The following ADAM28 variants were observed in gnomAD, a reference collection of about 807,000 sequenced individuals.
ADAM28 encodes the protein ADAM metallopeptidase domain 28, also known as disintegrin and metalloproteinase domain-containing protein 28.
A neutral mutation model predicts 101.2 loss-of-function variants in ADAM28; 105 were observed. The observed-to-expected ratio is 1.04, with a 90% CI of 0.89 to 1.22. ADAM28 has a LOEUF of 1.22. ADAM28 is among the 50% of genes most tolerant of loss of function. The pLI is 0.00. For missense variants in ADAM28, 1,028 were observed against 945.4 expected, an observed-to-expected ratio of 1.09 and a Z score of -1.15; for synonymous variants, 322 against 310.6, an observed-to-expected ratio of 1.04 and a Z score of -0.39.
intron 2 of ADAM28, among the ~76,000 whole-genome samples, chr8:24,302,959 C>G (rs1347417909): frequency 7.1e-6 from 1 of 139,984 alleles, no homozygotes; most frequent in African/African-American, 2.6e-5. Context: ...GTGATGTTCC[C>G]CATCCTGTGT....
chr8:24,304,877 T>C (rs1252000404), intron 2 of ADAM28, among the ~76,000 whole-genome samples: 1 of 150,678 alleles, frequency 6.6e-6, no homozygotes, highest in Non-Finnish European at 1.5e-5. Context: ...ATCACGTCAT[T>C]TGCACTCCAA....
At chr8:24,352,541 C>G (rs1402418874) in intron 21 of ADAM28, among the ~76,000 whole-genome samples, 1 of 152,096 alleles carries the variant, frequency 6.6e-6, no homozygotes, top group Non-Finnish European at 1.5e-5. Flanking sequence ...AGAGCTGCAC[C>G]CTCACGACCT....
chr8:24,352,333 T>C (rs1160080360), intron 21 of ADAM28, among the ~76,000 whole-genome samples: 1 of 152,196 alleles, frequency 6.6e-6, no homozygotes, highest in South Asian at 2.1e-4. Context: ...TTAACATAGA[T>C]TGAGTGGCTT....
intron 18 of ADAM28, among the ~76,000 whole-genome samples, chr8:24,346,059 G>C (rs1046519778): frequency 6.6e-6 from 1 of 152,020 alleles, no homozygotes; most frequent in African/African-American, 2.4e-5. Context: ...ACATTTCCTA[G>C]TTCAGAAGTG....
chr8:24,301,767 C>A (rs987924969), intron 2 of ADAM28, among the ~76,000 whole-genome samples: 2 of 152,140 alleles, frequency 1.3e-5, no homozygotes, highest in Non-Finnish European at 2.9e-5. Flanking sequence ...CTGAGAGCCT[C>A]TGTGGGATCA....
Position 24,356,174 on chromosome 8 carries a change from C to T in ADAM28, c.*1770C>T, listed in dbSNP as rs2129348646. The stretch of plus-strand genomic sequence containing the variant: ...AACTTTAAAAGTAGAGCTTTATCTG[C>T]CCTGTGAGGTTTCAGAAGACCCTCC... On this transcript the variant is annotated 3_prime_UTR_variant, in exon 23 of 23. Coordinates refer to ENST00000265769, the MANE Select transcript of ADAM28 (RefSeq NM_014265.6). 1 of 152,272 alleles carries T rather than the reference C, an allele frequency of 6.6e-6. No individual in the cohort carries two copies. Among genetic ancestry groups the T allele is most frequent in the African/African-American group, 2.4e-5 (1 of 41,560 alleles). 9.4% of individuals were successfully genotyped at this position (152,272 alleles called of 1,614,324 possible).
Position 24,313,482 on chromosome 8 carries a change from C to T in ADAM28, c.478C>T (p.Pro160Ser). Residue 160 changes from proline (P) to serine (S), a missense_variant, in exon 6 of 23, where the codon CCT becomes TCT. Transcript: ENST00000265769. ...GGAGCATGCACTCTTCAAGTATAAC[C>T]CTGATGAAAAGAATTATGACAGCAC... Reference protein sequence around the residue: ...GQEHALFKYNPDEKNYDSTCG... With the variant: ...GQEHALFKYNSDEKNYDSTCG... 6.2e-7 allele frequency: 1 copy of T among 1,613,804 alleles called. No individual in the cohort carries two copies. Among genetic ancestry groups the T allele is most frequent in the African/African-American group, 1.3e-5 (1 of 75,008 alleles).
intron 11 of ADAM28, 112 bp from the exon 12 acceptor site, chr8:24,331,038 T>G (rs1813293549): frequency 9.3e-7 from 1 of 1,077,750 alleles, no homozygotes; most frequent in African/African-American, 1.6e-5. Context: ...GTCAGTGGAT[T>G]GGATTTTGTC....
chr8:24,354,775 A>G lies in ADAM28; in HGVS notation c.*371A>G, dbSNP rs1418686336. 6.1e-6 allele frequency: 1 copy of G among 164,244 alleles called. No homozygotes were observed. The highest frequency in any genetic ancestry group is 1.3e-5 in the Non-Finnish European group (1 of 76,340). 10.2% of individuals were successfully genotyped at this position (164,244 alleles called of 1,614,324 possible). A position where few individuals can be genotyped will look rare whatever the true frequency, so the allele number is the denominator to read the frequency against. Reference sequence around the variant, plus strand: ...AAATTGTACATCCATTAAATGTACAATTGATTGCAACATCTTGATTGTTTT... The same window carrying G: ...AAATTGTACATCCATTAAATGTACAGTTGATTGCAACATCTTGATTGTTTT... On this transcript the variant is annotated 3_prime_UTR_variant, in exon 23 of 23. Coordinates refer to ENST00000265769, the MANE Select transcript of ADAM28 (RefSeq NM_014265.6).
chr8:24,343,933 T>TC (rs199742781), intron 18 of ADAM28, among the ~76,000 whole-genome samples: 1 of 151,986 alleles, frequency 6.6e-6, no homozygotes, highest in Non-Finnish European at 1.5e-5. Flanking sequence ...GACCTATTAT[T>TC]TTGTATGTTC....
chr8:24,327,427 A>G, intron 10 of ADAM28, among the ~76,000 whole-genome samples: 1 of 152,142 alleles, frequency 6.6e-6, no homozygotes, highest in Non-Finnish European at 1.5e-5. Flanking sequence ...ATGCTCATGG[A>G]TAGGAAGAAT....
chr8:24,315,863 T>A (rs1380312479), intron 6 of ADAM28, among the ~76,000 whole-genome samples: 1 of 151,938 alleles, frequency 6.6e-6, no homozygotes, highest in Non-Finnish European at 1.5e-5. Context: ...CACAAATTGA[T>A]CAATGTAGTA....
chr8:24,315,808 A>C (rs370820483), intron 6 of ADAM28, among the ~76,000 whole-genome samples: 4 of 152,140 alleles, frequency 2.6e-5, no homozygotes, highest in African/African-American at 9.6e-5. Flanking sequence ...AAGATTATAC[A>C]TCATAATCAA....
chr8:24,337,522 G>T (rs543435210), intron 14 of ADAM28, among the ~76,000 whole-genome samples: 15 of 152,274 alleles, frequency 9.9e-5, no homozygotes, highest in African/African-American at 3.6e-4. Flanking sequence ...TATTCCCAGT[G>T]CCTCCCAGCA....
intron 8 of ADAM28, 127 bp from the exon 9 acceptor site, chr8:24,323,707 A>G (rs1411017676): frequency 3.1e-6 from 3 of 960,944 alleles, no homozygotes; most frequent in Non-Finnish European, 4.5e-6. Context: ...CTGTTTCACA[A>G]ATATGCTTGG....
intron 6 of ADAM28, among the ~76,000 whole-genome samples, chr8:24,317,024 G>C (rs904198483): frequency 3.3e-5 from 5 of 151,768 alleles, no homozygotes; most frequent in Admixed American, 6.6e-5. Context: ...GTATACCGAA[G>C]ACAATAAAAC....
chr8:24,343,482 G>A (rs771892801), intron 17 of ADAM28, 24 bp from the exon 18 acceptor site: 2 of 1,611,680 alleles, frequency 1.2e-6, no homozygotes, highest in South Asian at 2.2e-5. Flanking sequence ...AGCGGGGACA[G>A]TAACAGGATC....
At chr8:24,339,324 T>C (rs912260719) in intron 14 of ADAM28, 142 bp from the exon 15 acceptor site, 1 of 644,670 alleles carries the variant, frequency 1.6e-6, no homozygotes, top group South Asian at 2.0e-5. Flanking sequence ...AATGGAATTA[T>C]GCTAAAATAG....
chr8:24,340,862 A>C (rs1814680969), intron 15 of ADAM28: 1 of 152,218 alleles, frequency 6.6e-6, no homozygotes, highest in Non-Finnish European at 1.5e-5. Context: ...TCCGAATTCT[A>C]CATAAAGCAA....
Sources: allele counts gnomAD v4.1 joint callset (sites outside exome capture counted in the v4.1 genomes callset), GRCh38; gene constraint gnomAD v4.1.1; transcripts MANE v1.5; gene names NCBI Gene and HGNC (gene_info 2026-07-23, HGNC 2026-07-21).